The following RALGPS1 variants were observed in gnomAD, a reference collection of about 807,000 sequenced individuals.
RALGPS1 encodes Ral GEF with PH domain and SH3 binding motif 1.
In RALGPS1, 19 loss-of-function variants were observed where a neutral mutation model predicts 78.8. The observed-to-expected ratio is 0.24, with a 90% CI of 0.17 to 0.35. The LOEUF (loss-of-function observed/expected upper bound fraction) is 0.35. RALGPS1 is among the 10% of genes least tolerant of loss of function. The pLI is 1.00. For missense variants in RALGPS1, 454 were observed against 688.3 expected (o/e 0.66, Z 3.81); for synonymous variants, 228 against 256.3 (o/e 0.89, Z 1.06).
intron 10 of RALGPS1, among the ~76,000 whole-genome samples, chr9:127,170,626 A>G (rs956709000): frequency 1.3e-5 from 2 of 152,190 alleles, no homozygotes; most frequent in African/African-American, 2.4e-5. Flanking sequence ...TTTTCCATTT[A>G]TGCACCAGTA....
Position 127,222,944 on chromosome 9 carries a change from T to C in RALGPS1, c.*4175T>C, listed in dbSNP as rs2062813020. 1 of 152,682 alleles carries C rather than the reference T, an allele frequency of 6.5e-6. No homozygotes were observed. The highest frequency in any genetic ancestry group is 1.5e-5 in the Non-Finnish European group (1 of 68,044). The allele number at this position is 152,682 out of a possible 1,614,324, so 9.5% of individuals were successfully genotyped here. Reference sequence around the variant, plus strand: ...CCTGCATGCAGTTGTGTAAGGACTTTCTCTAATTCTTGTGAATCGTCTCAC... The same window carrying C: ...CCTGCATGCAGTTGTGTAAGGACTTCCTCTAATTCTTGTGAATCGTCTCAC... On this transcript the variant is annotated 3_prime_UTR_variant, in exon 19 of 19. Coordinates refer to ENST00000259351, the MANE Select transcript of RALGPS1 (RefSeq NM_014636.3).
At chr9:126,973,146 T>TTG (rs1205212702) in intron 3 of RALGPS1, among the ~76,000 whole-genome samples, 2 of 152,006 alleles carry the variant, frequency 1.3e-5, no homozygotes, top group Non-Finnish European at 2.9e-5. Flanking sequence ...GGTGGGAGGA[T>TTG]TGTTTGAGGC....
intron 8 of RALGPS1, among the ~76,000 whole-genome samples, chr9:127,137,081 C>T (rs1409428497): frequency 6.6e-6 from 1 of 152,232 alleles, no homozygotes; most frequent in Non-Finnish European, 1.5e-5. Flanking sequence ...TTGAGTTTGA[C>T]AAAAAGCTGA....
At chr9:127,066,970 T>C (rs1381499263) in intron 7 of RALGPS1, among the ~76,000 whole-genome samples, 1 of 152,170 alleles carries the variant, frequency 6.6e-6, no homozygotes, top group African/African-American at 2.4e-5. Context: ...TTATTATTTG[T>C]CTGGGTTATC....
At chr9:126,938,797 A>G (rs571521720) in intron 1 of RALGPS1, among the ~76,000 whole-genome samples, 1 of 152,352 alleles carries the variant, frequency 6.6e-6, no homozygotes, top group South Asian at 2.1e-4. Context: ...GATGCTCTAA[A>G]AGCTGTAGGA....
intron 8 of RALGPS1, among the ~76,000 whole-genome samples, chr9:127,137,064 A>G (rs1345740408): frequency 1.3e-5 from 2 of 152,194 alleles, no homozygotes; most frequent in African/African-American, 4.8e-5. Context: ...CCCACAATTA[A>G]TAGGAATTGA....
rs181464594 is a variant in RALGPS1 at position 126,947,193 on chromosome 9, A to G, written c.-65-15032A>G. ...TGAAGTGGTGGTGGAGGGTGTTACC[A>G]GAAACAATTGCTGTCATTTCTTGAA... On this transcript the variant is annotated intron_variant, in intron 1 of 18. Coordinates refer to ENST00000259351, the MANE Select transcript of RALGPS1 (RefSeq NM_014636.3). 2.8e-3 allele frequency among the ~76,000 whole-genome samples: 423 copies of G among 152,284 alleles called. 2 individuals are homozygous for G. The highest frequency in any genetic ancestry group is 0.014 in the Middle Eastern group (4 of 294).
At chr9:127,171,631 C>T (rs910668858) in intron 10 of RALGPS1, among the ~76,000 whole-genome samples, 1 of 152,126 alleles carries the variant, frequency 6.6e-6, no homozygotes, top group Non-Finnish European at 1.5e-5. Flanking sequence ...TGGTGGCGCA[C>T]GCCTGTAGTC....
chr9:127,212,653 C>T lies in RALGPS1; in HGVS notation c.1380C>T (p.Val460=), dbSNP rs758608013. 6.2e-7 allele frequency: 1 copy of T among 1,613,248 alleles called. No individual in the cohort carries two copies. Among genetic ancestry groups the T allele is most frequent in the African/African-American group, 1.3e-5 (1 of 74,892 alleles). Residue 460 remains valine (V), a synonymous_variant, in exon 16 of 19, where the codon GTC becomes GTT. Transcript: ENST00000259351. This position sits in a 1 kb window ranked among gnomAD's most constrained non-coding sequence, Gnocchi z 6.0. ...PALSSWTRYW[V]ILSGSTLLYY... The stretch of plus-strand genomic sequence containing the variant: ...TGTCCTCGTGGACCAGGTACTGGGT[C>T]ATACTCTCAGGATCCACCCTCCTGT...
intron 8 of RALGPS1, among the ~76,000 whole-genome samples, chr9:127,141,785 AT>A (rs1252396466): frequency 2.0e-5 from 3 of 152,108 alleles, no homozygotes; most frequent in East Asian, 1.9e-4. Context: ...TTTTGAAAGT[AT>A]TTTTTTAAGT....
chr9:127,093,773 T>C, intron 8 of RALGPS1: 1 of 1,614,038 alleles, frequency 6.2e-7, no homozygotes. Context: ...AACAGAGCCA[T>C]CCAGGCGTCT....
intron 1 of RALGPS1, among the ~76,000 whole-genome samples, chr9:126,920,950 C>G (rs1367688866): frequency 1.3e-5 from 2 of 152,226 alleles, no homozygotes; most frequent in Admixed American, 6.5e-5. Flanking sequence ...GGGCAGGTGT[C>G]TTCCCAGCTC....
chr9:127,173,681 G>A (rs2059681901), intron 10 of RALGPS1, among the ~76,000 whole-genome samples: 2 of 152,168 alleles, frequency 1.3e-5, no homozygotes, highest in Non-Finnish European at 2.9e-5. Flanking sequence ...CTCTCTAAGG[G>A]CATCTGATCA....
Position 127,192,620 on chromosome 9 carries a change from T to A in RALGPS1, c.911-2471T>A, listed in dbSNP as rs573388814. 5.9e-5 allele frequency among the ~76,000 whole-genome samples: 9 copies of A among 152,146 alleles called. No individual in the cohort carries two copies. In the South Asian group the frequency reaches 1.9e-3, roughly 32 times the overall value. On this transcript the variant is annotated intron_variant, in intron 11 of 18. Coordinates refer to ENST00000259351, the MANE Select transcript of RALGPS1 (RefSeq NM_014636.3). The stretch of plus-strand genomic sequence containing the variant: ...CTGCAGCGAGCCATCATAGCATCAC[T>A]GCGCTCCATCCTGGGTGACAGGGCC...
chr9:126,964,772 A>G (rs568441994), intron 2 of RALGPS1, among the ~76,000 whole-genome samples: 1 of 152,328 alleles, frequency 6.6e-6, no homozygotes, highest in East Asian at 1.9e-4. Context: ...TTACATTTGC[A>G]GTTGTTGACT....
At chr9:126,954,205 G>A (rs1289352710) in intron 1 of RALGPS1, among the ~76,000 whole-genome samples, 1 of 152,130 alleles carries the variant, frequency 6.6e-6, no homozygotes, top group Non-Finnish European at 1.5e-5. Flanking sequence ...GCAGTGTGTG[G>A]CAGTTAGGCC....
intron 4 of RALGPS1, among the ~76,000 whole-genome samples, chr9:126,993,221 A>G (rs1354199942): frequency 6.6e-6 from 1 of 151,868 alleles, no homozygotes; most frequent in South Asian, 2.1e-4. Context: ...GCTGTGGTAA[A>G]CCCCACTTAG....
At position 127,183,587 on chromosome 9, in the gene RALGPS1, C is replaced by CA. The variant is rs1171295629; in HGVS notation, c.910+8806dup. On this transcript the variant is annotated intron_variant, in intron 11 of 18. Coordinates refer to ENST00000259351, the MANE Select transcript of RALGPS1 (RefSeq NM_014636.3). This position sits in a 1 kb window ranked among gnomAD's most constrained non-coding sequence, Gnocchi z 4.0. ...GGCCTCATCAGGCCTGAGTAAGGCACAGTAGCTCCCCTGGGTCTCCTGACT... is the reference window on the plus strand; with the variant it reads ...GGCCTCATCAGGCCTGAGTAAGGCACAAGTAGCTCCCCTGGGTCTCCTGACT... Among the ~76,000 whole-genome samples, 4 of 152,188 alleles carry CA rather than the reference C, an allele frequency of 2.6e-5. No homozygotes were observed. Among genetic ancestry groups the CA allele is most frequent in the Non-Finnish European group, 5.9e-5 (4 of 68,046 alleles).
chr9:127,096,108 A>G (rs891310758), intron 8 of RALGPS1, among the ~76,000 whole-genome samples: 1 of 152,236 alleles, frequency 6.6e-6, no homozygotes, highest in Admixed American at 6.5e-5. Context: ...ATGGGGCACA[A>G]GCAGCTGCTT....
Sources: gnomAD v4.1 joint callset for allele counts (sites outside exome capture counted in the v4.1 genomes callset) on GRCh38, gnomAD v4.1.1 for gene constraint, Gnocchi (gnomAD v3.1) non-coding constraint, MANE v1.5 for transcripts, NCBI Gene and HGNC (gene_info 2026-07-23, HGNC 2026-07-21) for gene names.